Variants in AKAP8L observed in about 807,000 individuals in gnomAD.
AKAP8L encodes the protein A-kinase anchoring protein 8 like, also known as A-kinase anchor protein 8-like.
In AKAP8L, 34 loss-of-function variants were observed where a neutral mutation model predicts 77.5. The observed-to-expected ratio is 0.44, with a 90% CI of 0.33 to 0.58. The LOEUF (loss-of-function observed/expected upper bound fraction) is 0.58, where lower values mean the gene tolerates loss of function less well. Among genes scored for constraint, AKAP8L ranks in the 20% least tolerant of loss-of-function variants. The pLI is 0.02. For missense variants in AKAP8L, 806 were observed against 887.6 expected (o/e 0.91, Z 1.17); for synonymous variants, 342 against 340.7 (o/e 1.00, Z -0.04).
At position 15,403,958 on chromosome 19, in the gene AKAP8L, C is replaced by G. The variant is rs762349841; in HGVS notation, c.121+52G>C. ...CAAGCAGGGCAGTGGCAGAGAAACACAGCCAGGACAACCCCAAGGGACAGG... is the reference window on the plus strand; with the variant it reads ...CAAGCAGGGCAGTGGCAGAGAAACAGAGCCAGGACAACCCCAAGGGACAGG... On this transcript the variant is annotated intron_variant, in intron 3 of 13. Coordinates refer to ENST00000397410, the MANE Select transcript of AKAP8L (RefSeq NM_014371.4). The surrounding 1 kb of genome is among the most constrained non-coding windows in gnomAD (Gnocchi z 4.3). 4.4e-6 allele frequency: 7 copies of G among 1,607,214 alleles called. No homozygotes were observed. Among genetic ancestry groups the G allele is most frequent in the Non-Finnish European group, 6.0e-6 (7 of 1,175,294 alleles).
Position 15,405,304 on chromosome 19 carries a change from C to T in AKAP8L, c.89-1262G>A, listed in dbSNP as rs562826236. Among the ~76,000 whole-genome samples the T allele has an allele frequency of 6.6e-5, 10 of 152,276 alleles. 3 individuals are homozygous for T. The highest frequency in any genetic ancestry group is 5.9e-4 in the Admixed American group (9 of 15,288). Reference sequence around the variant, plus strand: ...ATCCCAGCACTTCGGGAGGTCGAGGCGGGCGGATCACCTGAGGTCAGGAGT... The same window carrying T: ...ATCCCAGCACTTCGGGAGGTCGAGGTGGGCGGATCACCTGAGGTCAGGAGT... On this transcript the variant is annotated intron_variant, in intron 2 of 13. Coordinates refer to ENST00000397410, the MANE Select transcript of AKAP8L (RefSeq NM_014371.4).
intron 12 of AKAP8L, among the ~76,000 whole-genome samples, chr19:15,384,978 CTCTT>C (rs887833347): frequency 6.8e-6 from 1 of 147,614 alleles, no homozygotes; most frequent in African/African-American, 2.5e-5. Context: ...TCATGCCATT[CTCTT>C]TTTTTTTTTT....
rs1967873727 is a variant in AKAP8L at position 15,400,664 on chromosome 19, T to C, written c.984+130A>G. ...GCCTGTGCTTTCTGCCAGACCACAC[T>C]GCCTCCCCATGCTGGTCACCATGCA... On this transcript the variant is annotated intron_variant, in intron 7 of 13. Transcript: ENST00000397410. 4 of 1,169,732 alleles carry C rather than the reference T, an allele frequency of 3.4e-6. No individual in the cohort carries two copies. In the South Asian group the frequency reaches 4.0e-5, roughly 12 times the overall value. The allele number at this position is 1,169,732 out of a possible 1,614,324, so 72.5% of individuals were successfully genotyped here.
intron 12 of AKAP8L, among the ~76,000 whole-genome samples, chr19:15,388,615 T>C (rs1215338393): frequency 6.6e-6 from 1 of 152,114 alleles, no homozygotes; most frequent in African/African-American, 2.4e-5. Context: ...AGATTTGAAC[T>C]TAAGAATTAG....
intron 12 of AKAP8L, among the ~76,000 whole-genome samples, chr19:15,390,604 A>G (rs888941421): frequency 2.0e-5 from 3 of 152,140 alleles, no homozygotes; most frequent in African/African-American, 4.8e-5. Flanking sequence ...CCTGATACCC[A>G]AACCAGACAA....
chr19:15,397,038 C>T lies in AKAP8L; in HGVS notation c.1536+112G>A, dbSNP rs1264588160. The stretch of plus-strand genomic sequence containing the variant: ...TGGAAATGTCCATATCCACCTCCTC[C>T]TGCCTCCACTGCAGTCCCTCACGGG... On this transcript the variant is annotated intron_variant, in intron 12 of 13. Transcript: ENST00000397410. The surrounding 1 kb of genome is among the most constrained non-coding windows in gnomAD (Gnocchi z 4.7). 6.8e-7 allele frequency: 1 copy of T among 1,460,132 alleles called. No homozygotes were observed. Among genetic ancestry groups the T allele is most frequent in the Non-Finnish European group, 9.4e-7 (1 of 1,065,868 alleles). The allele number at this position is 1,460,132 out of a possible 1,614,324, so 90.4% of individuals were successfully genotyped here.
chr19:15,408,900 G>GTTTTGT (rs1024583179), intron 2 of AKAP8L, among the ~76,000 whole-genome samples: 1 of 151,658 alleles, frequency 6.6e-6, no homozygotes, highest in Non-Finnish European at 1.5e-5. Context: ...AGAAAAAATG[G>GTTTTGT]TTTTGTTTTT....
chr19:15,388,865 G>T (rs1374033669), intron 12 of AKAP8L, among the ~76,000 whole-genome samples: 1 of 150,336 alleles, frequency 6.7e-6, no homozygotes, highest in Non-Finnish European at 1.5e-5. Context: ...GCAGTGAGCC[G>T]AGATCGCGCC....
At chr19:15,387,764 G>T (rs1967569895) in intron 12 of AKAP8L, among the ~76,000 whole-genome samples, 1 of 152,146 alleles carries the variant, frequency 6.6e-6, no homozygotes, top group Non-Finnish European at 1.5e-5. Flanking sequence ...TTCGAGACCA[G>T]CCTGGCCAAC....
chr19:15,392,547 A>T (rs986168445), intron 12 of AKAP8L, among the ~76,000 whole-genome samples: 1 of 152,034 alleles, frequency 6.6e-6, no homozygotes, highest in African/African-American at 2.4e-5. Context: ...AAATCCAAAA[A>T]TATCAAGAAA....
At position 15,397,032 on chromosome 19, in the gene AKAP8L, C is replaced by T. The variant is rs1967790046; in HGVS notation, c.1536+118G>A. The T allele has an allele frequency of 3.5e-6, 5 of 1,417,544 alleles. No homozygotes were observed. Among genetic ancestry groups the T allele is most frequent in the Admixed American group, 1.8e-5 (1 of 54,564 alleles). 87.8% of individuals were successfully genotyped at this position (1,417,544 alleles called of 1,614,324 possible). ...CTGAGCTGGAAATGTCCATATCCAC[C>T]TCCTCCTGCCTCCACTGCAGTCCCT... On this transcript the variant is annotated intron_variant, in intron 12 of 13. Transcript: ENST00000397410. The surrounding 1 kb of genome is among the most constrained non-coding windows in gnomAD (Gnocchi z 4.7).
At chr19:15,395,061 G>A (rs569139373) in intron 12 of AKAP8L, among the ~76,000 whole-genome samples, 1 of 149,012 alleles carries the variant, frequency 6.7e-6, no homozygotes, top group Non-Finnish European at 1.5e-5. Flanking sequence ...ACAGAGTCTC[G>A]CTCTGTCGCC....
chr19:15,390,418 CAAAAAAA>C lies in AKAP8L; in HGVS notation c.1536+6725_1536+6731del, dbSNP rs34396645. Reference sequence around the variant, plus strand: ...TAGGCGACAGAGTGAGACCCTGTCTCAAAAAAAAAAAAAAAAAAAATCTAGTTAACAA... The same window carrying C: ...TAGGCGACAGAGTGAGACCCTGTCTCAAAAAAAAAAAAATCTAGTTAACAA... On this transcript the variant is annotated intron_variant, in intron 12 of 13. Coordinates refer to ENST00000397410, the MANE Select transcript of AKAP8L (RefSeq NM_014371.4). Among the ~76,000 whole-genome samples, 132 of 109,300 alleles carry C rather than the reference CAAAAAAA, an allele frequency of 1.2e-3. 1 individual carries two copies. The highest frequency in any genetic ancestry group is 4.5e-3 in the African/African-American group (127 of 28,174). 71.7% of individuals were successfully genotyped at this position (109,300 alleles called of 152,430 possible).
rs188598432 is a variant in AKAP8L at position 15,399,112 on chromosome 19, G to A, written c.1157+190C>T. Reference sequence around the variant, plus strand: ...AGACGCCAGCGGTCGCCAGGCGGCCGCAGAGGGGCAGGGGATGAGTCAGGC... The same window carrying A: ...AGACGCCAGCGGTCGCCAGGCGGCCACAGAGGGGCAGGGGATGAGTCAGGC... On this transcript the variant is annotated intron_variant, in intron 9 of 13. Coordinates refer to ENST00000397410, the MANE Select transcript of AKAP8L (RefSeq NM_014371.4). The surrounding 1 kb of genome is among the most constrained non-coding windows in gnomAD (Gnocchi z 6.1). The A allele has an allele frequency of 1.2e-5, 7 of 605,280 alleles. No individual in the cohort carries two copies. Among genetic ancestry groups the A allele is most frequent in the East Asian group, 1.1e-4 (4 of 34,832 alleles). The allele number at this position is 605,280 out of a possible 1,614,324, so 37.5% of individuals were successfully genotyped here. A position where few individuals can be genotyped will look rare whatever the true frequency, so the allele number is the denominator to read the frequency against.
At position 15,397,210 on chromosome 19, in the gene AKAP8L, G is replaced by T; in HGVS notation, c.1476C>A (p.Pro492=). Residue 492 remains proline, a synonymous_variant, in exon 12 of 14, where the codon CCC becomes CCA. Coordinates refer to ENST00000397410, the MANE Select transcript of AKAP8L (RefSeq NM_014371.4). The surrounding 1 kb of genome is among the most constrained non-coding windows in gnomAD (Gnocchi z 4.7). ...AHCAACDLFI[P]MQFGIIQKHL... is the part of the protein sequence containing the mutation. Reference sequence around the variant, plus strand: ...GCTTCTGGATGATCCCAAACTGCATGGGAATGAAGAGGTCGCAGGCTGCAC... The same window carrying T: ...GCTTCTGGATGATCCCAAACTGCATTGGAATGAAGAGGTCGCAGGCTGCAC... 1 of 1,614,006 alleles carries T rather than the reference G, an allele frequency of 6.2e-7. No homozygotes were observed. The highest frequency in any genetic ancestry group is 8.5e-7 in the Non-Finnish European group (1 of 1,179,904).
intron 12 of AKAP8L, among the ~76,000 whole-genome samples, chr19:15,395,038 T>C (rs1341851066): frequency 6.6e-6 from 1 of 151,906 alleles, no homozygotes; most frequent in African/African-American, 2.4e-5. Context: ...TTTCCAACTT[T>C]TTTTTTTTTG....
chr19:15,388,493 T>G (rs1967587268), intron 12 of AKAP8L, among the ~76,000 whole-genome samples: 1 of 152,128 alleles, frequency 6.6e-6, no homozygotes, highest in Non-Finnish European at 1.5e-5. Flanking sequence ...ATAATGACAC[T>G]GTCTCATGAA....
intron 2 of AKAP8L, among the ~76,000 whole-genome samples, chr19:15,406,362 GGAGAGAGAGAGAGAGAGAGAGAGA>G (rs3040938): frequency 5.6e-5 from 5 of 89,380 alleles, no homozygotes; most frequent in East Asian, 2.8e-4. Flanking sequence ...GAAATTTTAA[GGAGAGAGAGAGAGAGAGAGAGAGA>G]GAGAGAGAGA....
intron 12 of AKAP8L, chr19:15,383,065 C>A (rs1388597812): frequency 2.0e-5 from 3 of 152,148 alleles, no homozygotes; most frequent in African/African-American, 7.2e-5. Context: ...AGTCTTCCCC[C>A]AAAATTCATT....
Sources: gnomAD v4.1 joint callset for allele counts (sites outside exome capture counted in the v4.1 genomes callset) on GRCh38, gnomAD v4.1.1 for gene constraint, Gnocchi (gnomAD v3.1) non-coding constraint, MANE v1.5 for transcripts, NCBI Gene and HGNC (gene_info 2026-07-23, HGNC 2026-07-21) for gene names.